Variants in SLC25A26 observed in about 807,000 individuals in gnomAD.
SLC25A26 encodes the protein solute carrier family 25 member 26, also known as mitochondrial S-adenosylmethionine carrier protein.
Under a neutral mutation model 37.8 loss-of-function variants are expected in SLC25A26, and 36 were observed. The ratio of observed to expected loss-of-function variants is 0.95; its 90% CI spans 0.73 to 1.26. SLC25A26 has a LOEUF of 1.26. SLC25A26 is among the 50% of genes most tolerant of loss of function. The pLI is 0.00. For missense variants in SLC25A26, 390 were observed against 331.1 expected, an observed-to-expected ratio of 1.18 and a Z score of -1.38; for synonymous variants, 129 against 122.5, an observed-to-expected ratio of 1.05 and a Z score of -0.35.
chr3:66,356,112 C>G (rs985973980), intron 6 of SLC25A26: 3 of 455,952 alleles, frequency 6.6e-6, no homozygotes, highest in Non-Finnish European at 8.8e-6. Flanking sequence ...GGAGCCAAAA[C>G]AGTTATTTTC....
At chr3:66,167,811 G>A (rs2070444606) in intron 1 of SLC25A26, among the ~76,000 whole-genome samples, 1 of 152,052 alleles carries the variant, frequency 6.6e-6, no homozygotes, top group Non-Finnish European at 1.5e-5. Context: ...CAATAAACTA[G>A]ATAATAAACG....
At chr3:66,282,400 C>T (rs1040831136) in intron 5 of SLC25A26, among the ~76,000 whole-genome samples, 1 of 152,178 alleles carries the variant, frequency 6.6e-6, no homozygotes, top group Non-Finnish European at 1.5e-5. Flanking sequence ...CCCACCTTGG[C>T]CTCCCAAAGT....
chr3:66,224,893 G>A (rs2071669382), intron 1 of SLC25A26, among the ~76,000 whole-genome samples: 1 of 152,206 alleles, frequency 6.6e-6, no homozygotes, highest in Non-Finnish European at 1.5e-5. Flanking sequence ...AAATCCAACA[G>A]GGTAGTCACA....
chr3:66,376,814 C>T (rs1700678297), intron 9 of SLC25A26, among the ~76,000 whole-genome samples: 1 of 152,172 alleles, frequency 6.6e-6, no homozygotes, highest in East Asian at 1.9e-4. Flanking sequence ...AATCCACAGG[C>T]AGCAGGCATT....
chr3:66,274,961 T>C (rs2074085700), intron 5 of SLC25A26, among the ~76,000 whole-genome samples: 1 of 152,120 alleles, frequency 6.6e-6, no homozygotes, highest in East Asian at 1.9e-4. Flanking sequence ...CGTATGTTTA[T>C]TGCGGCACTA....
upstream of SLC25A26, among the ~76,000 whole-genome samples, chr3:66,218,479 G>C (rs2071394285): frequency 1.3e-5 from 2 of 152,146 alleles, no homozygotes; most frequent in African/African-American, 4.8e-5. Flanking sequence ...GAGTTCTAGT[G>C]TATTCATATC....
chr3:66,287,672 T>G (rs2074561531), intron 5 of SLC25A26, among the ~76,000 whole-genome samples: 2 of 152,356 alleles, frequency 1.3e-5, no homozygotes, highest in South Asian at 4.1e-4. Flanking sequence ...AAAGGTGCTG[T>G]GTATTTTGTT....
intron 3 of SLC25A26, among the ~76,000 whole-genome samples, chr3:66,257,630 A>ATTTCACTTCT (rs2073355905): frequency 6.6e-6 from 1 of 152,078 alleles, no homozygotes; most frequent in Admixed American, 6.5e-5. Flanking sequence ...TTCATGTATT[A>ATTTCACTTCT]TTTCACTTCT....
chr3:66,277,467 G>A (rs1420433557), intron 5 of SLC25A26, among the ~76,000 whole-genome samples: 1 of 151,882 alleles, frequency 6.6e-6, no homozygotes, highest in Non-Finnish European at 1.5e-5. Context: ...TGTTCAAAGG[G>A]TACAAATTGT....
chr3:66,167,739 G>C (rs2070443985), intron 1 of SLC25A26, among the ~76,000 whole-genome samples: 1 of 152,020 alleles, frequency 6.6e-6, no homozygotes, highest in Admixed American at 6.6e-5. Context: ...CTGATGATGG[G>C]GAAAACCTTC....
chr3:66,209,617 C>A (rs2071247229), intron 1 of SLC25A26, among the ~76,000 whole-genome samples: 1 of 100,524 alleles, frequency 9.9e-6, no homozygotes, highest in Non-Finnish European at 2.3e-5. Context: ...TATATACACA[C>A]CTATATATCT....
At chr3:66,145,398 C>A (rs1432290716) in intron 1 of SLC25A26, among the ~76,000 whole-genome samples, 1 of 152,074 alleles carries the variant, frequency 6.6e-6, no homozygotes, top group African/African-American at 2.4e-5. Context: ...TCTAAAGTGG[C>A]CTTCAAATTT....
rs34944870 is a variant in SLC25A26 at position 66,346,715 on chromosome 3, CGTGTGTGTGTGTGT to C, written c.498+340_498+353del. Among the ~76,000 whole-genome samples the C allele has an allele frequency of 9.5e-3, 1,323 of 138,958 alleles. 21 individuals carry two copies. Among genetic ancestry groups the C allele is most frequent in the African/African-American group, 0.027 (1,033 of 38,356 alleles). The allele number at this position is 138,958 out of a possible 152,430, so 91.2% of individuals were successfully genotyped here. ...CCGTTAAATTTCATTTTGCTGTGTG[CGTGTGTGTGTGTGT>C]GTGTGTGTGTGTGTGTGTGTGTGTG... On this transcript the variant is annotated intron_variant, in intron 6 of 9. Coordinates refer to ENST00000354883, the MANE Select transcript of SLC25A26 (RefSeq NM_001379210.1).
At chr3:66,371,370 AG>A (rs1210579618) in intron 9 of SLC25A26, 1 of 1,533,662 alleles carries the variant, frequency 6.5e-7, no homozygotes, top group Non-Finnish European at 8.8e-7. Flanking sequence ...TACCTTTGGC[AG>A]TTTTAATCTC....
upstream of SLC25A26, chr3:66,220,828 G>A (rs1025676149): frequency 1.8e-6 from 1 of 548,144 alleles, no homozygotes. Flanking sequence ...CCTCCGTCTA[G>A]CTGCACACAA....
chr3:66,143,971 T>C (rs1326386096), intron 1 of SLC25A26, among the ~76,000 whole-genome samples: 3 of 152,170 alleles, frequency 2.0e-5, no homozygotes, highest in Non-Finnish European at 4.4e-5. Context: ...CCTGAGAGAC[T>C]GCACACTTTG....
intron 1 of SLC25A26, among the ~76,000 whole-genome samples, chr3:66,225,776 C>A (rs782710188): frequency 2.0e-5 from 3 of 152,194 alleles, no homozygotes; most frequent in South Asian, 4.1e-4. Context: ...TCATCTCTCT[C>A]AAGTTCAAAA....
At chr3:66,209,312 T>C (rs1674777131) in intron 1 of SLC25A26, among the ~76,000 whole-genome samples, 1 of 139,546 alleles carries the variant, frequency 7.2e-6, no homozygotes, top group South Asian at 2.3e-4. Flanking sequence ...TATGTATATA[T>C]ACATATATAT....
intron 1 of SLC25A26, among the ~76,000 whole-genome samples, chr3:66,225,123 A>G (rs1221894737): frequency 6.6e-6 from 1 of 152,072 alleles, no homozygotes; most frequent in Admixed American, 6.5e-5. Flanking sequence ...CTCTTCTCAC[A>G]GCTCCACCAG....
Sources: gnomAD v4.1 joint callset for allele counts (sites outside exome capture counted in the v4.1 genomes callset) on GRCh38, gnomAD v4.1.1 for gene constraint, MANE v1.5 for transcripts, NCBI Gene and HGNC (gene_info 2026-07-23, HGNC 2026-07-21) for gene names.